The following CDH18 variants were observed in gnomAD, a reference collection of about 807,000 sequenced individuals.
CDH18 encodes cadherin 18.
CDH18 carries 31 observed loss-of-function variants against 67.9 expected under a neutral mutation model. The observed-to-expected ratio is 0.46, with a 90% CI of 0.34 to 0.62. CDH18 has a LOEUF of 0.62. Among genes scored for constraint, CDH18 ranks in the 20% least tolerant of loss-of-function variants. The pLI is 0.01. For missense variants in CDH18, 890 were observed against 975.5 expected, an observed-to-expected ratio of 0.91 and a Z score of 1.17; for synonymous variants, 362 against 347.2, an observed-to-expected ratio of 1.04 and a Z score of -0.48.
chr5:20,256,347 C>T (rs1297336035), intron 1 of CDH18, among the ~76,000 whole-genome samples: 2 of 152,040 alleles, frequency 1.3e-5, no homozygotes, highest in Non-Finnish European at 2.9e-5. Context: ...TAGCCCAAAT[C>T]AGCTTACTAT....
intron 2 of CDH18, among the ~76,000 whole-genome samples, chr5:20,226,561 C>T (rs1019152354): frequency 2.0e-5 from 3 of 152,010 alleles, no homozygotes; most frequent in African/African-American, 7.2e-5. Flanking sequence ...GAAATTTTCA[C>T]TTTAAAACAT....
chr5:19,984,402 TAAG>T (rs1030638685), intron 1 of CDH18, among the ~76,000 whole-genome samples: 2 of 151,982 alleles, frequency 1.3e-5, no homozygotes, highest in African/African-American at 2.4e-5. Context: ...AGGATGGAAA[TAAG>T]AAAAAAATTG....
chr5:19,838,226 T>C (rs1281338715), intron 3 of CDH18, among the ~76,000 whole-genome samples: 1 of 152,154 alleles, frequency 6.6e-6, no homozygotes, highest in Admixed American at 6.6e-5. Flanking sequence ...ATTCATATGA[T>C]TTTAAAGGCT....
intron 1 of CDH18, among the ~76,000 whole-genome samples, chr5:20,282,487 G>A (rs10054944): frequency 0.12 from 17,765 of 151,894 alleles, 1,581 homozygotes; most frequent in African/African-American, 0.24. Context: ...GGTTTTTCTC[G>A]TTGGTTCTGT....
intron 3 of CDH18, among the ~76,000 whole-genome samples, chr5:19,773,172 C>T (rs1773917106): frequency 6.6e-6 from 1 of 152,028 alleles, no homozygotes; most frequent in Non-Finnish European, 1.5e-5. Context: ...CAACTAACTG[C>T]AAATACTATT....
chr5:20,288,975 T>C (rs1561942303), intron 1 of CDH18, among the ~76,000 whole-genome samples: 1 of 151,974 alleles, frequency 6.6e-6, no homozygotes, highest in Non-Finnish European at 1.5e-5. Flanking sequence ...CGAATTGTGA[T>C]GTTATTTTTA....
intron 1 of CDH18, among the ~76,000 whole-genome samples, chr5:20,393,559 G>A (rs1745039354): frequency 6.6e-6 from 1 of 151,804 alleles, no homozygotes; most frequent in African/African-American, 2.4e-5. Flanking sequence ...CTACAATACA[G>A]TGTTAAGGTT....
At chr5:20,162,772 A>T (rs1735991773) in intron 2 of CDH18, among the ~76,000 whole-genome samples, 1 of 151,748 alleles carries the variant, frequency 6.6e-6, no homozygotes, top group Admixed American at 6.6e-5. Flanking sequence ...AAAGAAATAA[A>T]ATTTGGCTGG....
intron 1 of CDH18, among the ~76,000 whole-genome samples, chr5:20,573,838 TATATATGTATTTATATATAAAAGAA>T (rs1758949838): frequency 3.3e-5 from 1 of 30,018 alleles, no homozygotes; most frequent in African/African-American, 2.3e-4. Flanking sequence ...TATATATATA[TATATATGTATTTATATATAAAAGAA>T]ATATATATAT....
chr5:19,992,763 A>G (rs756355692), upstream of CDH18, among the ~76,000 whole-genome samples: 1 of 152,000 alleles, frequency 6.6e-6, no homozygotes, highest in Admixed American at 6.6e-5. Flanking sequence ...AGAAAAAAAA[A>G]AGTATATGAT....
intron 2 of CDH18, among the ~76,000 whole-genome samples, chr5:20,021,927 AT>A (rs960866162): frequency 6.6e-6 from 1 of 152,158 alleles, no homozygotes; most frequent in Non-Finnish European, 1.5e-5. Context: ...AATTGATAAT[AT>A]TTGCTTAATA....
intron 2 of CDH18, among the ~76,000 whole-genome samples, chr5:19,906,272 C>G (rs1579526578): frequency 6.6e-6 from 1 of 151,726 alleles, no homozygotes; most frequent in Non-Finnish European, 1.5e-5. Context: ...AAGGAGCCTT[C>G]GAATAAACAC....
intron 2 of CDH18, among the ~76,000 whole-genome samples, chr5:20,248,358 A>T (rs1164365099): frequency 6.6e-6 from 1 of 152,206 alleles, no homozygotes; most frequent in African/African-American, 2.4e-5. Context: ...TCTTTCTCAT[A>T]AGCTGTCAGC....
At chr5:19,567,749 A>C (rs537609647) in intron 8 of CDH18, among the ~76,000 whole-genome samples, 17 of 152,266 alleles carry the variant, frequency 1.1e-4, no homozygotes, top group African/African-American at 3.9e-4. Flanking sequence ...AACCAAAACA[A>C]AGCAGAAAGA....
intron 12 of CDH18, among the ~76,000 whole-genome samples, chr5:19,474,245 C>T (rs1164422763): frequency 6.6e-6 from 1 of 152,120 alleles, no homozygotes; most frequent in African/African-American, 2.4e-5. Flanking sequence ...ATGTTGATCT[C>T]TTTTGTCAAT....
At chr5:19,806,371 A>G (rs1323837293) in intron 3 of CDH18, among the ~76,000 whole-genome samples, 2 of 152,186 alleles carry the variant, frequency 1.3e-5, no homozygotes, top group Non-Finnish European at 2.9e-5. Flanking sequence ...TATTTTATCA[A>G]TGTAATCTCC....
chr5:20,274,359 A>G (rs1004571315), intron 1 of CDH18, among the ~76,000 whole-genome samples: 2 of 152,152 alleles, frequency 1.3e-5, no homozygotes, highest in Non-Finnish European at 2.9e-5. Context: ...ACTGAGTGAA[A>G]TAAGTCAGAA....
chr5:19,950,225 C>T (rs1319070834), intron 2 of CDH18, among the ~76,000 whole-genome samples: 2 of 151,904 alleles, frequency 1.3e-5, no homozygotes, highest in Non-Finnish European at 2.9e-5. Context: ...TTGCAGCAAC[C>T]TGGATGGAGT....
intron 3 of CDH18, among the ~76,000 whole-genome samples, chr5:19,799,775 G>A (rs578134788): frequency 1.3e-5 from 2 of 152,072 alleles, no homozygotes; most frequent in African/African-American, 2.4e-5. Context: ...AATGAGGTTC[G>A]TATCATGCAT....
Sources: gnomAD v4.1 joint callset for allele counts (sites outside exome capture counted in the v4.1 genomes callset) on GRCh38, gnomAD v4.1.1 for gene constraint, MANE v1.5 for transcripts, NCBI Gene and HGNC (gene_info 2026-07-23, HGNC 2026-07-21) for gene names.